The following ANKS1B variants were observed in gnomAD, a reference collection of about 807,000 sequenced individuals.
The protein encoded by ANKS1B is ankyrin repeat and sterile alpha motif domain-containing protein 1B.
A neutral mutation model predicts 148.3 loss-of-function variants in ANKS1B; 36 were observed. That is an observed-to-expected ratio of 0.24 (90% CI 0.19 to 0.32). The LOEUF (loss-of-function observed/expected upper bound fraction) is 0.32, where lower values mean the gene tolerates loss of function less well. ANKS1B is among the 10% of genes least tolerant of loss of function. The pLI, the probability that ANKS1B is intolerant of heterozygous loss-of-function variation, is 1.00. For missense variants in ANKS1B, 1,157 were observed against 1,542.6 expected (o/e 0.75, Z 4.19); for synonymous variants, 542 against 560.8 (o/e 0.97, Z 0.47).
intron 8 of ANKS1B, among the ~76,000 whole-genome samples, chr12:99,657,569 A>G (rs938997939): frequency 6.6e-6 from 1 of 151,872 alleles, no homozygotes; most frequent in African/African-American, 2.4e-5. Flanking sequence ...GGTGATTATC[A>G]CAGGGATTTT....
chr12:99,964,680 A>G (rs2095462674), intron 1 of ANKS1B, among the ~76,000 whole-genome samples: 1 of 152,218 alleles, frequency 6.6e-6, no homozygotes, highest in South Asian at 2.1e-4. Flanking sequence ...GGATGTCAGT[A>G]TCCAAACAGA....
chr12:99,131,938 C>T (rs981420454), intron 15 of ANKS1B, among the ~76,000 whole-genome samples: 2 of 152,092 alleles, frequency 1.3e-5, no homozygotes, highest in African/African-American at 4.8e-5. Flanking sequence ...TTGAGAAGTC[C>T]CTTTCTCCAT....
At chr12:99,182,354 C>G (rs1419870052) in intron 14 of ANKS1B, among the ~76,000 whole-genome samples, 1 of 152,184 alleles carries the variant, frequency 6.6e-6, no homozygotes, top group Non-Finnish European at 1.5e-5. Context: ...ATCTTACTCT[C>G]TATCTCCATG....
intron 10 of ANKS1B, among the ~76,000 whole-genome samples, chr12:99,500,158 A>C (rs1324341299): frequency 6.6e-6 from 1 of 152,186 alleles, no homozygotes; most frequent in African/African-American, 2.4e-5. Flanking sequence ...CTGTGCATGT[A>C]CAAAGAAGAG....
chr12:99,013,116 A>G (rs1281070537), intron 17 of ANKS1B, among the ~76,000 whole-genome samples: 3 of 152,214 alleles, frequency 2.0e-5, no homozygotes, highest in Non-Finnish European at 4.4e-5. Flanking sequence ...GGGCTTACAG[A>G]AAGTAAGGTA....
intron 15 of ANKS1B, among the ~76,000 whole-genome samples, chr12:99,085,707 T>C (rs1340941542): frequency 2.0e-5 from 3 of 152,194 alleles, no homozygotes; most frequent in Non-Finnish European, 4.4e-5. Context: ...GATCATGTCA[T>C]TTGCAGGGAC....
chr12:99,579,268 T>C (rs565758292), intron 9 of ANKS1B, among the ~76,000 whole-genome samples: 3 of 152,162 alleles, frequency 2.0e-5, no homozygotes, highest in African/African-American at 4.8e-5. Flanking sequence ...CTGGGACGTA[T>C]CATTTTGGAC....
rs555421729 is a variant in ANKS1B at position 99,659,321 on chromosome 12, T to C, written c.1129-4111A>G. Among the ~76,000 whole-genome samples, 9 of 152,316 alleles carry C rather than the reference T, an allele frequency of 5.9e-5. No individual in the cohort carries two copies. The South Asian group carries it at 1.7e-3, about 28-fold the overall frequency. ...ACACACTTAACCTCAGATGGTTTCA[T>C]TTATTCCAAATGCTGTTCAAACTTT... On this transcript the variant is annotated intron_variant, in intron 8 of 26. Coordinates refer to ENST00000683438, the MANE Select transcript of ANKS1B (RefSeq NM_001352186.2).
At position 99,347,775 on chromosome 12, in the gene ANKS1B, A is replaced by T. The variant is rs895182174; in HGVS notation, c.1756+51856T>A. ...AGTTACTATAATATTTAAAATGCTCAGTTTTAAACAAAAAGATATTAGACT... is the reference window on the plus strand; with the variant it reads ...AGTTACTATAATATTTAAAATGCTCTGTTTTAAACAAAAAGATATTAGACT... On this transcript the variant is annotated intron_variant, in intron 12 of 26. Coordinates refer to ENST00000683438, the MANE Select transcript of ANKS1B (RefSeq NM_001352186.2). Among the ~76,000 whole-genome samples the T allele has an allele frequency of 2.0e-5, 3 of 151,070 alleles. No individual in the cohort carries two copies. In the South Asian group the frequency reaches 6.3e-4, roughly 31 times the overall value.
intron 25 of ANKS1B, among the ~76,000 whole-genome samples, chr12:98,763,206 C>T (rs2098436052): frequency 6.6e-6 from 1 of 152,200 alleles, no homozygotes; most frequent in Non-Finnish European, 1.5e-5. Flanking sequence ...GCCTGGTCTA[C>T]AACTTGCTTC....
At chr12:99,130,634 A>C (rs1378370602) in intron 15 of ANKS1B, among the ~76,000 whole-genome samples, 1 of 152,166 alleles carries the variant, frequency 6.6e-6, no homozygotes, top group Non-Finnish European at 1.5e-5. Context: ...CAGAGTATTA[A>C]TAAACAAATC....
Position 99,142,850 on chromosome 12 carries a change from A to AGTT in ANKS1B, c.2526+11438_2526+11439insAAC, listed in dbSNP as rs1259306929. On this transcript the variant is annotated intron_variant, in intron 15 of 26. Transcript: ENST00000683438. ...TCTTTTGCTTGCTTCCTTTTGAAACAGTGAGGGATTTCTGGATGTTTGCCA... is the reference window on the plus strand; with the variant it reads ...TCTTTTGCTTGCTTCCTTTTGAAACAGTTGTGAGGGATTTCTGGATGTTTGCCA... Among the ~76,000 whole-genome samples the AGTT allele has an allele frequency of 2.0e-5, 3 of 152,182 alleles. No homozygotes were observed. In the East Asian group the frequency reaches 5.8e-4, roughly 30 times the overall value.
At chr12:98,901,624 A>C (rs976016687) in intron 17 of ANKS1B, among the ~76,000 whole-genome samples, 8 of 152,242 alleles carry the variant, frequency 5.3e-5, no homozygotes, top group African/African-American at 1.9e-4. Flanking sequence ...TCAATTTCGC[A>C]AAATAAATAA....
At chr12:98,960,536 G>A (rs774636699) in intron 17 of ANKS1B, among the ~76,000 whole-genome samples, 3 of 152,070 alleles carry the variant, frequency 2.0e-5, no homozygotes, top group Admixed American at 6.6e-5. Context: ...AGAAGAATGG[G>A]TACAAACGAG....
chr12:99,768,748 C>T (rs888462798), intron 8 of ANKS1B, among the ~76,000 whole-genome samples: 1 of 151,532 alleles, frequency 6.6e-6, no homozygotes. Flanking sequence ...ATCGCTTGAA[C>T]CCCGGAGGCG....
At chr12:98,768,488 A>G (rs1197916426) in intron 25 of ANKS1B, among the ~76,000 whole-genome samples, 2 of 145,792 alleles carry the variant, frequency 1.4e-5, no homozygotes, top group African/African-American at 5.0e-5. Context: ...TAATCCCAGC[A>G]CTTTGGGAGG....
chr12:99,641,937 T>C (rs758453310), intron 9 of ANKS1B, among the ~76,000 whole-genome samples: 2 of 152,194 alleles, frequency 1.3e-5, no homozygotes, highest in Non-Finnish European at 2.9e-5. Context: ...AAAGTATAAA[T>C]AGTCCATAGG....
At chr12:99,793,686 A>T (rs1602273918) in intron 4 of ANKS1B, among the ~76,000 whole-genome samples, 1 of 152,122 alleles carries the variant, frequency 6.6e-6, no homozygotes, top group East Asian at 1.9e-4. Context: ...TGGATTAAAC[A>T]TTTGAATCTA....
At chr12:99,367,852 G>A (rs556929276) in intron 12 of ANKS1B, among the ~76,000 whole-genome samples, 1 of 151,992 alleles carries the variant, frequency 6.6e-6, no homozygotes, top group East Asian at 1.9e-4. Context: ...CGGATGAATG[G>A]GAGGAATAAA....
Sources: gnomAD v4.1 joint callset for allele counts (sites outside exome capture counted in the v4.1 genomes callset) on GRCh38, gnomAD v4.1.1 for gene constraint, MANE v1.5 for transcripts, NCBI Gene and HGNC (gene_info 2026-07-23, HGNC 2026-07-21) for gene names.